The following TRMT1 variants were observed in gnomAD, a reference collection of about 807,000 sequenced individuals.
TRMT1 encodes tRNA methyltransferase 1.
Under a neutral mutation model 75.4 loss-of-function variants are expected in TRMT1, and 63 were observed. The ratio of observed to expected loss-of-function variants is 0.84; its 90% CI spans 0.68 to 1.03. The LOEUF (loss-of-function observed/expected upper bound fraction) is 1.03, where lower values mean the gene tolerates loss of function less well. TRMT1 is among the 50% of genes least tolerant of loss of function. The pLI, the probability that TRMT1 is intolerant of heterozygous loss-of-function variation, is 0.00. For synonymous variants in TRMT1, 382 were observed against 358.1 expected, an observed-to-expected ratio of 1.07 and a Z score of -0.75; for missense variants, 870 against 905.3, an observed-to-expected ratio of 0.96 and a Z score of 0.50.
rs747014885 is a variant in TRMT1 at position 13,109,826 on chromosome 19, A to G, written c.1119T>C (p.Ser373=). The G allele has an allele frequency of 1.9e-6, 3 of 1,614,180 alleles. No homozygotes were observed. Among genetic ancestry groups the G allele is most frequent in the South Asian group, 2.2e-5 (2 of 91,082 alleles). Residue 373 remains serine, a synonymous_variant, in exon 10 of 17, where the codon TCT becomes TCC. Transcript: ENST00000357720. ...GGGTCACAGGGGGACCACAGGCTGC[A>G]GAGAACTTGGCCCTAAACAGAGAGG... ...SGVPSGRAKF[S]AACGPPVTPE...
At chr19:13,111,550 ATTTTTTT>A (rs35140536) in intron 7 of TRMT1, among the ~76,000 whole-genome samples, 4 of 124,546 alleles carry the variant, frequency 3.2e-5, no homozygotes, top group African/African-American at 6.2e-5. Context: ...CGCCCAGCTA[ATTTTTTT>A]TTTTTTTTTT....
At chr19:13,108,785 T>C (rs890539597) in intron 12 of TRMT1, among the ~76,000 whole-genome samples, 2 of 151,596 alleles carry the variant, frequency 1.3e-5, no homozygotes, top group Non-Finnish European at 2.9e-5. Context: ...AATTTTTGTA[T>C]TTTTAGTAGA....
intron 12 of TRMT1, among the ~76,000 whole-genome samples, chr19:13,108,687 G>GCCT (rs1204696503): frequency 1.3e-5 from 2 of 151,564 alleles, no homozygotes; most frequent in Non-Finnish European, 2.9e-5. Flanking sequence ...GCTCACCACC[G>GCCT]CCTCCTCCTC....
Position 13,109,697 on chromosome 19 carries a change from C to T in TRMT1, c.1177-13G>A, listed in dbSNP as rs772025326. The T allele has an allele frequency of 1.1e-5, 17 of 1,613,892 alleles. No individual in the cohort carries two copies. The highest frequency in any genetic ancestry group is 5.0e-5 in the Admixed American group (3 of 60,008). On this transcript the variant is annotated splice_polypyrimidine_tract_variant and intron_variant, in intron 10 of 16. Transcript: ENST00000357720. ...TGGGGCCACCAAGCTGGGGGCGCAC[C>T]GGGGACAGGTGAGCAGGGACTATGA...
intron 5 of TRMT1, among the ~76,000 whole-genome samples, chr19:13,113,901 C>A (rs776272135): frequency 2.6e-5 from 4 of 152,106 alleles, no homozygotes; most frequent in Admixed American, 6.5e-5. Flanking sequence ...TGAGCCACTG[C>A]GTCTGACCTC....
At chr19:13,110,418 C>A in intron 7 of TRMT1, 112 bp from the exon 8 acceptor site, 1 of 1,297,382 alleles carries the variant, frequency 7.7e-7, no homozygotes, top group East Asian at 2.6e-5. Flanking sequence ...GGGATCCAAG[C>A]CCACCCCTGA....
chr19:13,109,607 G>T lies in TRMT1; in HGVS notation c.1254C>A (p.Asn418Lys), dbSNP rs1204509034. Residue 418 changes from asparagine to lysine, a missense_variant, in exon 11 of 17, where the codon AAC (asparagine) becomes AAA (lysine). By Grantham distance (94) the Asn-to-Lys change is moderately conservative. Coordinates refer to ENST00000357720, the MANE Select transcript of TRMT1 (RefSeq NM_001136035.4). Reference protein sequence around the residue: ...VGRVLEAVSANPGRFHTSERI... With the variant: ...VGRVLEAVSAKPGRFHTSERI... ...GCTCCGAGGTGTGGAAGCGGCCGGG[G>T]TTAGCGCTCACAGCCTCCAGGACAC... is the stretch of plus-strand genomic sequence containing the variant. 5 of 1,613,996 alleles carry T rather than the reference G, an allele frequency of 3.1e-6. 1 individual carries two copies. In the South Asian group the frequency reaches 5.5e-5, roughly 18 times the overall value.
chr19:13,105,196 A>T, intron 16 of TRMT1, 71 bp downstream of exon 16: 1 of 1,565,310 alleles, frequency 6.4e-7, no homozygotes, highest in East Asian at 2.3e-5. Context: ...CAGCTCCCCC[A>T]ATTCTCTCCC....
intron 2 of TRMT1, 34 bp from the exon 3 acceptor site, chr19:13,116,086 C>T: frequency 6.2e-7 from 1 of 1,613,848 alleles, no homozygotes; most frequent in Non-Finnish European, 8.5e-7. Context: ...TCATACCCCG[C>T]CCCCGCCATC....
intron 14 of TRMT1, 21 bp downstream of exon 14, chr19:13,107,553 C>T: frequency 6.3e-7 from 1 of 1,589,022 alleles, no homozygotes; most frequent in East Asian, 2.3e-5. Context: ...CCTGGCCGCT[C>T]CTGCATGTGC....
chr19:13,105,245 G>A, intron 16 of TRMT1, 22 bp downstream of exon 16: 1 of 1,606,904 alleles, frequency 6.2e-7, no homozygotes, highest in Non-Finnish European at 8.5e-7. Flanking sequence ...CTGCAGTGGA[G>A]GAAAGGGAGG....
rs755544907 is a variant in TRMT1, at chr19:13,105,081, C to T, written c.1834G>A (p.Gly612Ser). The change falls in exon 17 of 17, where the codon GGC (glycine) becomes AGC (serine). Residue 612 changes from glycine (G) to serine (S), a missense_variant and splice_region_variant. Transcript: ENST00000357720. The stretch of plus-strand genomic sequence containing the variant: ...CACTGGTCCCCGCGTTGACAGGTGC[C>T]CTGGTGGGAAGATGGTGGGTGTGAA... ...KTFPCKRFKE[G>S]TCQRGDQCCY... 2.5e-6 allele frequency: 4 copies of T among 1,581,912 alleles called. No individual in the cohort carries two copies. Among genetic ancestry groups the T allele is most frequent in the Admixed American group, 1.7e-5 (1 of 57,594 alleles).
At position 13,107,639 on chromosome 19, in the gene TRMT1, A is replaced by T. The variant is rs1398275706; in HGVS notation, c.1518T>A (p.Cys506Ter). The change falls in exon 14 of 17, where the codon TGT becomes TGA. Residue 506 changes from cysteine to a stop codon, truncating the protein, a stop_gained. Transcript: ENST00000357720. LOFTEE classifies it high-confidence loss of function. ...CTGATAGTCGCTCCCGTTTCACCGG[A>T]CATTCCTTCTCCTGGGGGCAGAGGT... is the stretch of plus-strand genomic sequence containing the variant. ...WDIMRCWEKECPVKRERLSET... is the reference protein window; with the variant it reads ...WDIMRCWEKE 1 of 1,607,268 alleles carries T rather than the reference A, an allele frequency of 6.2e-7. No homozygotes were observed. Among genetic ancestry groups the T allele is most frequent in the South Asian group, 1.1e-5 (1 of 89,834 alleles).
Position 13,116,433 on chromosome 19 carries a change from T to G in TRMT1, c.-32-2A>C. 6.3e-7 allele frequency: 1 copy of G among 1,580,870 alleles called. No individual in the cohort carries two copies. Among genetic ancestry groups the G allele is most frequent in the Non-Finnish European group, 8.6e-7 (1 of 1,165,994 alleles). Reference sequence around the variant, plus strand: ...CGCTGGCGCCTCCGCCCGCCAAGCCTGGTTCGGGGGGCGGGGGAGGGCACA... The same window carrying G: ...CGCTGGCGCCTCCGCCCGCCAAGCCGGGTTCGGGGGGCGGGGGAGGGCACA... On this transcript the variant is annotated splice_acceptor_variant, in intron 1 of 16. Coordinates refer to ENST00000357720, the MANE Select transcript of TRMT1 (RefSeq NM_001136035.4). LOFTEE classifies it low-confidence loss of function (5UTR_SPLICE).
At position 13,116,233 on chromosome 19, in the gene TRMT1, G is replaced by A. The variant is rs1170480464; in HGVS notation, c.167C>T (p.Thr56Ile). Residue 56 changes from threonine to isoleucine, a missense_variant, in exon 2 of 17, where the codon ACA (threonine) becomes ATA (isoleucine). Physicochemically the swap from Thr to Ile is moderately conservative, Grantham distance 89 (BLOSUM62 -1). Coordinates refer to ENST00000357720, the MANE Select transcript of TRMT1 (RefSeq NM_001136035.4). Reference sequence around the variant, plus strand: ...GATTTTGGCAGCCCCCTCGGTGACTGTCGTCTCCTGGACTTCACGTGGACG... The same window carrying A: ...GATTTTGGCAGCCCCCTCGGTGACTATCGTCTCCTGGACTTCACGTGGACG... ...EERPREVQETTVTEGAAKIAF... is the reference protein window; with the variant it reads ...EERPREVQETIVTEGAAKIAF... 3 of 1,614,198 alleles carry A rather than the reference G, an allele frequency of 1.9e-6. No homozygotes were observed. In the South Asian group the frequency reaches 3.3e-5, roughly 18 times the overall value.
At chr19:13,113,750 C>T (rs978428197) in intron 5 of TRMT1, among the ~76,000 whole-genome samples, 40 of 151,918 alleles carry the variant, frequency 2.6e-4, no homozygotes, top group African/African-American at 9.7e-4. Context: ...GCTGGGATTA[C>T]AGGCACGTGC....
intron 14 of TRMT1, 142 bp downstream of exon 14, chr19:13,107,432 C>T (rs1316913671): frequency 6.6e-6 from 7 of 1,056,896 alleles, no homozygotes; most frequent in Non-Finnish European, 9.6e-6. Context: ...GAGCCACCTA[C>T]CCAGCCCCAG....
At chr19:13,111,160 C>CA (rs745520258) in intron 7 of TRMT1, among the ~76,000 whole-genome samples, 17 of 152,098 alleles carry the variant, frequency 1.1e-4, no homozygotes, top group Admixed American at 6.5e-4. Context: ...CCTCCTGCCT[C>CA]AGCCTCCAGA....
Position 13,109,987 on chromosome 19 carries a change from A to G in TRMT1, c.1034T>C (p.Val345Ala), listed in dbSNP as rs748556384. 7 of 1,613,492 alleles carry G rather than the reference A, an allele frequency of 4.3e-6. No individual in the cohort carries two copies. The highest frequency in any genetic ancestry group is 5.9e-6 in the Non-Finnish European group (7 of 1,179,914). ...GGCCCCGCAGCCCACACACTGGAAC[A>G]CCAGCGCCTGCTTGCTGTGGGGGGT... Reference protein sequence around the residue: ...VKASASKQALVFQCVGCGAFH... With the variant: ...VKASASKQALAFQCVGCGAFH... The change falls in exon 9 of 17, where the codon GTG becomes GCG. Residue 345 changes from valine to alanine, a missense_variant. By Grantham distance (64) the Val-to-Ala change is moderately conservative. Transcript: ENST00000357720.
Sources: gnomAD v4.1 joint callset for allele counts (sites outside exome capture counted in the v4.1 genomes callset) on GRCh38, gnomAD v4.1.1 for gene constraint, MANE v1.5 for transcripts, NCBI Gene and HGNC (gene_info 2026-07-23, HGNC 2026-07-21) for gene names.